The following SOD2 variants were observed in gnomAD, a reference collection of about 807,000 sequenced individuals.
SOD2 encodes the protein superoxide dismutase [Mn], mitochondrial.
Under a neutral mutation model 27.0 loss-of-function variants are expected in SOD2, and 11 were observed. That is an observed-to-expected ratio of 0.41 (90% confidence interval 0.26 to 0.67). The LOEUF (loss-of-function observed/expected upper bound fraction) is 0.67. SOD2 is among the 30% of genes least tolerant of loss of function. The probability of loss-of-function intolerance (pLI) is 0.34; values close to 1 mark genes in which losing one functional copy is unlikely to be tolerated. For missense variants in SOD2, 250 were observed against 274.5 expected (o/e 0.91, Z 0.63); for synonymous variants, 105 against 103.0 (o/e 1.02, Z -0.12).
intron 2 of SOD2, among the ~76,000 whole-genome samples, chr6:159,689,064 C>T (rs999761135): frequency 3.9e-5 from 6 of 152,258 alleles, no homozygotes; most frequent in East Asian, 1.9e-4. Context: ...CTCACTGGAG[C>T]GAACCCTAGG....
At chr6:159,755,349 G>C in intron 1 of SOD2, 5 of 1,614,238 alleles carry the variant, frequency 3.1e-6, no homozygotes, top group Non-Finnish European at 4.2e-6. Flanking sequence ...CCAGGGAATG[G>C]TAATAAGTCC....
intron 2 of SOD2, 39 bp downstream of exon 2, chr6:159,692,622 T>G (rs749794289): frequency 6.2e-7 from 1 of 1,608,568 alleles, no homozygotes; most frequent in South Asian, 1.1e-5. Context: ...GGGTCGCCTC[T>G]GCCGGGGACT....
chr6:159,696,583 G>A (rs1583026027), upstream of SOD2, among the ~76,000 whole-genome samples: 1 of 151,922 alleles, frequency 6.6e-6, no homozygotes. Flanking sequence ...GCCTCCCAAA[G>A]TGCTGGGATT....
At chr6:159,732,850 T>TC (rs1778661765) in intron 1 of SOD2, among the ~76,000 whole-genome samples, 2 of 147,754 alleles carry the variant, frequency 1.4e-5, no homozygotes, top group East Asian at 2.0e-4. Context: ...GTCTGCTTCT[T>TC]TCTCTCTCTC....
upstream of SOD2, among the ~76,000 whole-genome samples, chr6:159,693,797 C>T (rs1299987376): frequency 6.6e-6 from 1 of 152,226 alleles, no homozygotes; most frequent in Non-Finnish European, 1.5e-5. Context: ...GTAGAGCCAG[C>T]GCCCTTCCAA....
chr6:159,686,007 T>C (rs184434805), intron 3 of SOD2, among the ~76,000 whole-genome samples: 89 of 152,342 alleles, frequency 5.8e-4, no homozygotes, highest in Non-Finnish European at 3.2e-4. Context: ...AAAGTCATTG[T>C]TCTTCTCCAA....
chr6:159,688,416 C>T, intron 2 of SOD2, 174 bp from the exon 3 acceptor site: 1 of 553,600 alleles, frequency 1.8e-6, no homozygotes, highest in Non-Finnish European at 3.2e-6. Context: ...CCCAGACATG[C>T]TGAACAACTG....
At chr6:159,743,565 G>A in intron 1 of SOD2, 1 of 1,158,200 alleles carries the variant, frequency 8.6e-7, no homozygotes, top group African/African-American at 1.6e-5. Context: ...GGAAACTAAA[G>A]ACTTGATTAA....
At chr6:159,740,636 T>C (rs1052933786) in intron 1 of SOD2, among the ~76,000 whole-genome samples, 6 of 152,108 alleles carry the variant, frequency 3.9e-5, no homozygotes, top group Admixed American at 2.0e-4. Flanking sequence ...TGGCCTTGGC[T>C]GAACATCAGT....
chr6:159,730,290 C>T (rs10440817), upstream of SOD2, among the ~76,000 whole-genome samples: 11 of 152,104 alleles, frequency 7.2e-5, no homozygotes, highest in Non-Finnish European at 1.5e-4. Context: ...TATTATTTTC[C>T]TTCAGGATTC....
At chr6:159,731,234 G>T (rs939233648), upstream of SOD2, among the ~76,000 whole-genome samples, 1 of 152,040 alleles carries the variant, frequency 6.6e-6, no homozygotes, top group Non-Finnish European at 1.5e-5. Flanking sequence ...GGCCCAAGCA[G>T]GAGGATTCCT....
upstream of SOD2, chr6:159,693,339 C>A (rs1390535057): frequency 9.9e-5 from 28 of 282,202 alleles, no homozygotes; most frequent in African/African-American, 4.5e-4. Flanking sequence ...CCCCCCCCCC[C>A]CGCGGGCCCC....
intron 1 of SOD2, chr6:159,736,265 G>A: frequency 6.2e-7 from 1 of 1,601,258 alleles, no homozygotes; most frequent in Non-Finnish European, 8.5e-7. Flanking sequence ...TAGGATTCAA[G>A]ATGACCAACG....
chr6:159,755,864 T>A, intron 1 of SOD2: 1 of 519,390 alleles, frequency 1.9e-6, no homozygotes, highest in African/African-American at 2.0e-5. Flanking sequence ...ACATTTTGTG[T>A]AGGGTCAAGT....
upstream of SOD2, among the ~76,000 whole-genome samples, chr6:159,696,866 ACT>A (rs1777429290): frequency 6.6e-6 from 1 of 151,844 alleles, no homozygotes; most frequent in South Asian, 2.1e-4. Context: ...ACATAGCAAG[ACT>A]CTGTCTCTAC....
chr6:159,712,932 T>C (rs1777857045), intron 1 of SOD2: 1 of 642,434 alleles, frequency 1.6e-6, no homozygotes, highest in Non-Finnish European at 2.9e-6. Context: ...AAGGTCTCCC[T>C]GTACCTGTGC....
At chr6:159,690,721 G>A (rs1780420738) in intron 2 of SOD2, among the ~76,000 whole-genome samples, 1 of 151,972 alleles carries the variant, frequency 6.6e-6, no homozygotes, top group African/African-American at 2.4e-5. Flanking sequence ...AATAGTAACT[G>A]AATTTTTAAA....
upstream of SOD2, among the ~76,000 whole-genome samples, chr6:159,747,966 A>G (rs1008600316): frequency 2.0e-5 from 3 of 152,196 alleles, no homozygotes; most frequent in Non-Finnish European, 4.4e-5. Context: ...TTCAATACAT[A>G]TAATGTATAG....
rs1278538630 is a variant in SOD2, at chr6:159,676,946, G to A, written c.*5547C>T. 1 of 152,172 alleles carries A rather than the reference G, an allele frequency of 6.6e-6. No homozygotes were observed. Among genetic ancestry groups the A allele is most frequent in the Non-Finnish European group, 1.5e-5 (1 of 68,060 alleles). The allele number at this position is 152,172 out of a possible 1,614,324, so 9.4% of individuals were successfully genotyped here. On this transcript the variant is annotated 3_prime_UTR_variant, in exon 5 of 5. Coordinates refer to ENST00000538183, the MANE Select transcript of SOD2 (RefSeq NM_000636.4). The stretch of plus-strand genomic sequence containing the variant: ...CCCACACAAAGGCAAGCAGCAGAAG[G>A]AGGAGCAAGCATAAGGCCTTCCCAG...
Sources: gnomAD v4.1 joint callset for allele counts (sites outside exome capture counted in the v4.1 genomes callset) on GRCh38, gnomAD v4.1.1 for gene constraint, MANE v1.5 for transcripts, NCBI Gene and HGNC (gene_info 2026-07-23, HGNC 2026-07-21) for gene names.